The following NCBP1 variants were observed in gnomAD, a reference collection of about 807,000 sequenced individuals.
NCBP1 encodes the protein nuclear cap-binding protein subunit 1.
NCBP1 carries 16 observed loss-of-function variants against 111.7 expected under a neutral mutation model. The observed-to-expected ratio is 0.14, with a 90% CI of 0.10 to 0.22. The LOEUF is 0.22. NCBP1 is among the 10% of genes least tolerant of loss of function. The pLI is 1.00. For synonymous variants in NCBP1, 304 were observed against 314.3 expected (o/e 0.97, Z 0.35); for missense variants, 607 against 957.5 (o/e 0.63, Z 4.83).
chr9:97,647,201 C>T (rs887401469), intron 6 of NCBP1, among the ~76,000 whole-genome samples: 5 of 151,916 alleles, frequency 3.3e-5, no homozygotes, highest in African/African-American at 7.3e-5. Flanking sequence ...ATGGCATTGC[C>T]GAGTTGAGGG....
chr9:97,664,430 C>T lies in NCBP1; in HGVS notation c.1888C>T (p.Arg630Cys), dbSNP rs199656608. Residue 630 changes from arginine to cysteine, a missense_variant, in exon 19 of 23, where the codon CGT becomes TGT. Physicochemically the swap from Arg to Cys is radical, Grantham distance 180 (BLOSUM62 -3). Around this residue, in one of 9 missense-constraint regions of NCBP1, gnomAD observed 282 missense variants for 376.5 expected, o/e 0.75. Coordinates refer to ENST00000375147, the MANE Select transcript of NCBP1 (RefSeq NM_002486.5). ...ANWIFSSELS[R>C]DFTRLFVWEI... Reference sequence around the variant, plus strand: ...TTGGATCTTCTCTTCAGAACTATCTCGTGACTTTACCAGGTAATATAAATT... The same window carrying T: ...TTGGATCTTCTCTTCAGAACTATCTTGTGACTTTACCAGGTAATATAAATT... 1.7e-4 allele frequency: 271 copies of T among 1,602,326 alleles called. No homozygotes were observed. The highest frequency in any genetic ancestry group is 8.2e-4 in the Admixed American group (49 of 59,814).
At chr9:97,660,593 T>C (rs1827805749) in intron 15 of NCBP1, among the ~76,000 whole-genome samples, 1 of 152,208 alleles carries the variant, frequency 6.6e-6, no homozygotes, top group Non-Finnish European at 1.5e-5. Flanking sequence ...TTCTGGGATT[T>C]TGAGCCCAGG....
In NCBP1 at chr9:97,667,945, C is replaced by T. The variant is rs953759080; in HGVS notation, c.2017-901C>T. ...TTAGGAAAGGACAGTCGTGTACCCA[C>T]GTGTCTAGAACATAGAGCAGACCTC... On this transcript the variant is annotated intron_variant, in intron 20 of 22. Coordinates refer to ENST00000375147, the MANE Select transcript of NCBP1 (RefSeq NM_002486.5). Among the ~76,000 whole-genome samples, 7 of 152,136 alleles carry T rather than the reference C, an allele frequency of 4.6e-5. No homozygotes were observed. The South Asian group carries it at 1.0e-3, about 22-fold the overall frequency.
intron 9 of NCBP1, among the ~76,000 whole-genome samples, chr9:97,650,946 T>C (rs1344192992): frequency 6.6e-6 from 1 of 152,078 alleles, no homozygotes; most frequent in Non-Finnish European, 1.5e-5. Flanking sequence ...GGAATTTTTT[T>C]TTTTAAATAA....
At chr9:97,647,730 A>G (rs761665258) in intron 7 of NCBP1, among the ~76,000 whole-genome samples, 169 bp downstream of exon 7, 16 of 152,394 alleles carry the variant, frequency 1.0e-4, no homozygotes, top group Non-Finnish European at 2.2e-4. Flanking sequence ...AATAGATGAT[A>G]GAATGTAATT....
rs764273271 is a variant in NCBP1, at chr9:97,641,558, A to G, written c.124-4A>G. ...ACAGATATTTAATGTGATGTCCTCTACAGAGTGCCTGCTCTTTGGAGAGCA... is the reference window on the plus strand; with the variant it reads ...ACAGATATTTAATGTGATGTCCTCTGCAGAGTGCCTGCTCTTTGGAGAGCA... On this transcript the variant is annotated splice_polypyrimidine_tract_variant and splice_region_variant and intron_variant, in intron 2 of 22. Transcript: ENST00000375147. 7 of 1,604,494 alleles carry G rather than the reference A, an allele frequency of 4.4e-6. No individual in the cohort carries two copies. In the Admixed American group the frequency reaches 1.2e-4, roughly 27 times the overall value.
chr9:97,669,945 T>G, intron 22 of NCBP1: 1 of 497,480 alleles, frequency 2.0e-6, no homozygotes. Flanking sequence ...TTTTTTGAGA[T>G]GGCATCTCAC....
chr9:97,643,201 C>T lies in NCBP1; in HGVS notation c.225-3C>T. ...TTCTTGTTATACTGGGTTCTTAAAT[C>T]AGTGCACGCCTATTACCTGAGAAGC... On this transcript the variant is annotated splice_polypyrimidine_tract_variant and splice_region_variant and intron_variant, in intron 3 of 22. Coordinates refer to ENST00000375147, the MANE Select transcript of NCBP1 (RefSeq NM_002486.5). The T allele has an allele frequency of 1.3e-6, 2 of 1,576,734 alleles. No homozygotes were observed. The highest frequency in any genetic ancestry group is 2.3e-5 in the East Asian group (1 of 42,688).
intron 1 of NCBP1, among the ~76,000 whole-genome samples, chr9:97,637,190 A>AG (rs145710289): frequency 0.024 from 3,652 of 152,250 alleles, 134 homozygotes; most frequent in East Asian, 0.13. Flanking sequence ...TCAAAGATTA[A>AG]GGGGGGTAGG....
At chr9:97,668,582 C>A (rs1012581705) in intron 20 of NCBP1, among the ~76,000 whole-genome samples, 1 of 152,096 alleles carries the variant, frequency 6.6e-6, no homozygotes, top group Non-Finnish European at 1.5e-5. Context: ...AGCCAAGTCC[C>A]CCCATGTTGT....
At chr9:97,636,145 A>G (rs1827019219) in intron 1 of NCBP1, 3 of 152,108 alleles carry the variant, frequency 2.0e-5, no homozygotes, top group African/African-American at 7.3e-5. Flanking sequence ...GTTTGATAAT[A>G]CAGCAAATCT....
chr9:97,652,211 C>T (rs1827516051), intron 10 of NCBP1, among the ~76,000 whole-genome samples: 1 of 152,202 alleles, frequency 6.6e-6, no homozygotes. Flanking sequence ...ACCATATTGG[C>T]CAGGCTGGTC....
At chr9:97,648,482 G>A (rs1197164306) in intron 8 of NCBP1, among the ~76,000 whole-genome samples, 1 of 152,122 alleles carries the variant, frequency 6.6e-6, no homozygotes, top group Non-Finnish European at 1.5e-5. Flanking sequence ...GGTTTTTAGA[G>A]CTACGTTGGT....
At chr9:97,661,098 A>C in intron 16 of NCBP1, 30 bp downstream of exon 16, 1 of 1,608,926 alleles carries the variant, frequency 6.2e-7, no homozygotes, top group Non-Finnish European at 8.5e-7. Flanking sequence ...TCTTAAGTGG[A>C]ACTATGTATA....
In NCBP1 at chr9:97,664,008, G is replaced by C. The variant is rs192357192; in HGVS notation, c.1798-332G>C. Among the ~76,000 whole-genome samples the C allele has an allele frequency of 5.9e-3, 895 of 151,656 alleles. 4 individuals carry two copies. The highest frequency in any genetic ancestry group is 8.0e-3 in the Non-Finnish European group (543 of 67,838). On this transcript the variant is annotated intron_variant, in intron 18 of 22. Coordinates refer to ENST00000375147, the MANE Select transcript of NCBP1 (RefSeq NM_002486.5). ...AGCCTAGGCAATACAGTGAAACCCC[G>C]TCTATACTAAAATTACAAAAATTAG... is the stretch of plus-strand genomic sequence containing the variant.
At chr9:97,636,696 C>T (rs1827051480) in intron 1 of NCBP1, among the ~76,000 whole-genome samples, 2 of 132,826 alleles carry the variant, frequency 1.5e-5, no homozygotes, top group African/African-American at 2.7e-5. Flanking sequence ...TCAACAAATA[C>T]TTAACAGTGC....
At chr9:97,653,225 G>A (rs755641342) in intron 10 of NCBP1, among the ~76,000 whole-genome samples, 1 of 150,170 alleles carries the variant, frequency 6.7e-6, no homozygotes, top group Admixed American at 6.7e-5. Flanking sequence ...GGTTCAAGCA[G>A]TTCTCCTGCC....
chr9:97,664,539 T>A, intron 19 of NCBP1, 96 bp downstream of exon 19: 1 of 786,828 alleles, frequency 1.3e-6, no homozygotes, highest in Non-Finnish European at 2.0e-6. Context: ...CAAACCAGGT[T>A]GATATTAATA....
intron 19 of NCBP1, among the ~76,000 whole-genome samples, chr9:97,665,923 G>A (rs1322156689): frequency 6.6e-6 from 1 of 152,116 alleles, no homozygotes; most frequent in African/African-American, 2.4e-5. Context: ...TCATAAGAGA[G>A]GAAACATTCA....
Sources: allele counts gnomAD v4.1 joint callset (sites outside exome capture counted in the v4.1 genomes callset), GRCh38; gene constraint gnomAD v4.1.1; regional missense constraint gnomAD v4.1.1; transcripts MANE v1.5; gene names NCBI Gene and HGNC (gene_info 2026-07-23, HGNC 2026-07-21).